Variants in CCSER1 observed in about 807,000 individuals in gnomAD.
CCSER1 encodes coiled-coil serine rich protein 1.
CCSER1 carries 41 observed loss-of-function variants against 82.0 expected under a neutral mutation model. The ratio of observed to expected loss-of-function variants is 0.50; its 90% confidence interval spans 0.39 to 0.65. The LOEUF (loss-of-function observed/expected upper bound fraction) is 0.65. Among genes scored for constraint, CCSER1 ranks in the 30% least tolerant of loss-of-function variants. The pLI is 0.00. For missense variants in CCSER1, 1,119 were observed against 1,064.2 expected (o/e 1.05, Z -0.72); for synonymous variants, 414 against 383.9 (o/e 1.08, Z -0.92).
chr4:90,991,635 ACT>A (rs756876585), intron 9 of CCSER1, among the ~76,000 whole-genome samples: 13 of 151,646 alleles, frequency 8.6e-5, no homozygotes, highest in Non-Finnish European at 1.5e-4. Context: ...ACTAGGTCCC[ACT>A]CTCATCAAGT....
chr4:91,336,616 ATGAT>A (rs1221180209), intron 10 of CCSER1, among the ~76,000 whole-genome samples: 1 of 152,116 alleles, frequency 6.6e-6, no homozygotes, highest in African/African-American at 2.4e-5. Context: ...AATGCCTAAA[ATGAT>A]TGAAATTGTC....
intron 10 of CCSER1, among the ~76,000 whole-genome samples, chr4:91,347,618 A>G (rs1335517328): frequency 7.6e-6 from 1 of 131,094 alleles, no homozygotes; most frequent in African/African-American, 2.8e-5. Flanking sequence ...ATATATTTGT[A>G]TTTATTTAGA....
chr4:90,335,271 A>G (rs1740168968), intron 3 of CCSER1, among the ~76,000 whole-genome samples: 1 of 152,220 alleles, frequency 6.6e-6, no homozygotes, highest in Admixed American at 6.5e-5. Flanking sequence ...TTCTTCATTG[A>G]CAGAAAATAA....
chr4:90,981,314 C>T (rs1256119979), intron 9 of CCSER1, among the ~76,000 whole-genome samples: 1 of 151,808 alleles, frequency 6.6e-6, no homozygotes, highest in African/African-American at 2.4e-5. Context: ...TTCTCAGGAT[C>T]TGCTTCTAAG....
At chr4:90,838,959 T>A in intron 8 of CCSER1, 6 of 1,613,354 alleles carry the variant, frequency 3.7e-6, no homozygotes, top group Non-Finnish European at 5.1e-6. Context: ...GGCAGTGGAT[T>A]TTTCTCTTGC....
chr4:91,539,865 G>A (rs1761498147), intron 10 of CCSER1, among the ~76,000 whole-genome samples: 1 of 151,920 alleles, frequency 6.6e-6, no homozygotes, highest in Non-Finnish European at 1.5e-5. Context: ...AATCATTAGA[G>A]CTGTTACTTA....
intron 10 of CCSER1, among the ~76,000 whole-genome samples, chr4:91,321,413 G>A (rs1274094344): frequency 2.0e-5 from 3 of 151,988 alleles, no homozygotes; most frequent in African/African-American, 4.8e-5. Context: ...GAGGCTCAAT[G>A]TCCAGACTAG....
chr4:90,372,190 C>G, intron 3 of CCSER1, among the ~76,000 whole-genome samples: 1 of 152,000 alleles, frequency 6.6e-6, no homozygotes, highest in Non-Finnish European at 1.5e-5. Context: ...ATGCTGAAAT[C>G]TAAAATAAAA....
chr4:90,359,180 G>T (rs1230300779), intron 3 of CCSER1, among the ~76,000 whole-genome samples: 1 of 152,092 alleles, frequency 6.6e-6, no homozygotes, highest in Non-Finnish European at 1.5e-5. Context: ...AGGAACAACA[G>T]AAAGAAAAGA....
rs1561384936 is a variant in CCSER1 at position 90,932,976 on chromosome 4, A to AGAGAGAG, written c.2172+9529_2172+9530insGAGAGAG. On this transcript the variant is annotated intron_variant, in intron 9 of 10. Transcript: ENST00000509176. ...AAAGAAAGAAAGAAAGAAAGAAAGA[A>AGAGAGAG]AGAAAGAGAAAGAAAGAAAGAAAGA... 2.1e-4 allele frequency among the ~76,000 whole-genome samples: 8 copies of AGAGAGAG among 38,704 alleles called. 3 individuals are homozygous for AGAGAGAG. Among genetic ancestry groups the AGAGAGAG allele is most frequent in the African/African-American group, 1.1e-3 (6 of 5,334 alleles). The allele number at this position is 38,704 out of a possible 152,430, so 25.4% of individuals were successfully genotyped here.
intron 7 of CCSER1, among the ~76,000 whole-genome samples, chr4:90,798,647 G>A (rs1334208709): frequency 6.6e-6 from 1 of 152,096 alleles, no homozygotes; most frequent in African/African-American, 2.4e-5. Context: ...CATTTGCATG[G>A]GTTTTTAAAA....
chr4:91,324,388 G>C (rs528596611), intron 10 of CCSER1, among the ~76,000 whole-genome samples: 37 of 152,104 alleles, frequency 2.4e-4, no homozygotes, highest in African/African-American at 8.7e-4. Flanking sequence ...GAGAATTCTC[G>C]AGTGTTGTCA....
At chr4:91,474,802 T>TACACAC (rs1483861334) in intron 10 of CCSER1, among the ~76,000 whole-genome samples, 1 of 94,276 alleles carries the variant, frequency 1.1e-5, no homozygotes. Flanking sequence ...TATATATATA[T>TACACAC]ATATATATAT....
At chr4:90,778,346 G>A (rs191277616) in intron 7 of CCSER1, among the ~76,000 whole-genome samples, 1 of 152,146 alleles carries the variant, frequency 6.6e-6, no homozygotes, top group Non-Finnish European at 1.5e-5. Flanking sequence ...TGGAATTCAA[G>A]CATTCAAAAA....
intron 3 of CCSER1, among the ~76,000 whole-genome samples, chr4:90,373,231 TTATCA>T (rs1747747270): frequency 6.6e-6 from 1 of 152,102 alleles, no homozygotes; most frequent in South Asian, 2.1e-4. Context: ...AAAGTGAAAA[TTATCA>T]TATATATTGC....
intron 8 of CCSER1, among the ~76,000 whole-genome samples, chr4:90,848,632 A>T (rs1257662773): frequency 6.6e-6 from 1 of 152,126 alleles, no homozygotes; most frequent in Admixed American, 6.5e-5. Flanking sequence ...CCTAATAACA[A>T]TCAGTTTTAT....
chr4:90,606,897 G>C (rs1444477586), intron 5 of CCSER1, among the ~76,000 whole-genome samples: 1 of 152,122 alleles, frequency 6.6e-6, no homozygotes, highest in Non-Finnish European at 1.5e-5. Flanking sequence ...CTGGGCTTTT[G>C]CATTTCCACA....
At chr4:91,439,812 A>G (rs1394016524) in intron 10 of CCSER1, among the ~76,000 whole-genome samples, 1 of 152,334 alleles carries the variant, frequency 6.6e-6, no homozygotes, top group East Asian at 1.9e-4. Flanking sequence ...AGGGGTTGCA[A>G]TCCTAGTCTT....
intron 9 of CCSER1, among the ~76,000 whole-genome samples, chr4:90,946,310 T>A (rs1410829275): frequency 6.6e-6 from 1 of 152,160 alleles, no homozygotes; most frequent in East Asian, 1.9e-4. Context: ...AACAGCAAAC[T>A]CAAGAAAGAT....
Sources: allele counts gnomAD v4.1 joint callset (sites outside exome capture counted in the v4.1 genomes callset), GRCh38; gene constraint gnomAD v4.1.1; transcripts MANE v1.5; gene names NCBI Gene and HGNC (gene_info 2026-07-23, HGNC 2026-07-21).